The following RIMS2 variants were observed in gnomAD, a reference collection of about 807,000 sequenced individuals.
RIMS2 encodes regulating synaptic membrane exocytosis protein 2.
Under a neutral mutation model 174.4 loss-of-function variants are expected in RIMS2, and 59 were observed. The observed-to-expected ratio is 0.34, with a 90% CI of 0.27 to 0.42. RIMS2 has a LOEUF of 0.42. RIMS2 is among the 10% of genes least tolerant of loss of function. The pLI is 1.00. For synonymous variants in RIMS2, 606 were observed against 572.5 expected, an observed-to-expected ratio of 1.06 and a Z score of -0.84; for missense variants, 1,620 against 1,666.3, an observed-to-expected ratio of 0.97 and a Z score of 0.48.
intron 1 of RIMS2, among the ~76,000 whole-genome samples, chr8:103,555,656 G>C (rs925103596): frequency 6.6e-6 from 1 of 152,014 alleles, no homozygotes. Flanking sequence ...ATCTGGCCAG[G>C]CATGGTGGTT....
At chr8:103,997,994 A>G (rs1363959314) in intron 17 of RIMS2, among the ~76,000 whole-genome samples, 1 of 151,660 alleles carries the variant, frequency 6.6e-6, no homozygotes, top group Non-Finnish European at 1.5e-5. Flanking sequence ...TATTTAGAAT[A>G]TTTTAACCTT....
intron 4 of RIMS2, among the ~76,000 whole-genome samples, chr8:103,887,736 ATAAT>A (rs1014846005): frequency 2.0e-5 from 3 of 151,598 alleles, no homozygotes; most frequent in Non-Finnish European, 4.4e-5. Flanking sequence ...CTGTACCAAA[ATAAT>A]TAGTTAGAAC....
At chr8:103,968,266 G>A (rs1425174302) in intron 15 of RIMS2, among the ~76,000 whole-genome samples, 5 of 151,994 alleles carry the variant, frequency 3.3e-5, no homozygotes, top group Non-Finnish European at 7.4e-5. Context: ...ATACAGTTGA[G>A]CCTCATTTTT....
chr8:103,728,366 A>T (rs1205062608), intron 2 of RIMS2, among the ~76,000 whole-genome samples: 4 of 152,144 alleles, frequency 2.6e-5, no homozygotes, highest in Non-Finnish European at 2.9e-5. Context: ...GAATGAGATC[A>T]TCTGTAAACA....
At chr8:103,865,915 G>A (rs73293837) in intron 3 of RIMS2, among the ~76,000 whole-genome samples, 2 of 152,024 alleles carry the variant, frequency 1.3e-5, no homozygotes, top group African/African-American at 4.8e-5. Flanking sequence ...TAATGCAATT[G>A]GATTTAGTAT....
chr8:104,139,123 A>G (rs748234442), intron 19 of RIMS2, among the ~76,000 whole-genome samples: 1 of 152,050 alleles, frequency 6.6e-6, no homozygotes, highest in East Asian at 1.9e-4. Flanking sequence ...CCATTGGTCT[A>G]TATGTCTGTT....
intron 19 of RIMS2, among the ~76,000 whole-genome samples, chr8:104,045,121 T>G (rs996121660): frequency 6.6e-6 from 1 of 151,856 alleles, no homozygotes; most frequent in African/African-American, 2.4e-5. Flanking sequence ...TTATCTTTCT[T>G]TATAAATTTT....
At chr8:103,775,841 G>A (rs2098310100) in intron 3 of RIMS2, among the ~76,000 whole-genome samples, 3 of 152,038 alleles carry the variant, frequency 2.0e-5, no homozygotes, top group Admixed American at 1.3e-4. Flanking sequence ...TGTTCTCATG[G>A]AATATGTAAC....
intron 2 of RIMS2, among the ~76,000 whole-genome samples, chr8:103,729,234 T>G (rs896627910): frequency 1.3e-5 from 2 of 152,140 alleles, no homozygotes; most frequent in Non-Finnish European, 2.9e-5. Context: ...AACTTTTAAT[T>G]ATGGCTTTGA....
chr8:103,735,687 G>T (rs1359379267), intron 2 of RIMS2, among the ~76,000 whole-genome samples: 1 of 152,090 alleles, frequency 6.6e-6, no homozygotes, highest in African/African-American at 2.4e-5. Context: ...TGGAATATTT[G>T]GCCTGGGATT....
intron 19 of RIMS2, among the ~76,000 whole-genome samples, chr8:104,082,259 A>G (rs1238301628): frequency 6.6e-6 from 1 of 152,068 alleles, no homozygotes; most frequent in African/African-American, 2.4e-5. Context: ...GAGGGAAAGA[A>G]TGGAGGAAGG....
chr8:104,150,297 C>T (rs1031812937), intron 19 of RIMS2, among the ~76,000 whole-genome samples: 4 of 152,134 alleles, frequency 2.6e-5, no homozygotes, highest in African/African-American at 9.7e-5. Context: ...TCCATTCACT[C>T]AGGGTTCTTA....
intron 3 of RIMS2, among the ~76,000 whole-genome samples, chr8:103,795,042 C>T (rs533956166): frequency 6.6e-6 from 1 of 152,166 alleles, no homozygotes; most frequent in African/African-American, 2.4e-5. Flanking sequence ...CCTCAGGGAT[C>T]TAGAACTAGA....
intron 17 of RIMS2, among the ~76,000 whole-genome samples, chr8:103,997,404 A>T (rs910517422): frequency 6.6e-6 from 1 of 151,858 alleles, no homozygotes; most frequent in African/African-American, 2.4e-5. Flanking sequence ...GGAATTTGAG[A>T]GAGTTCAAGG....
chr8:104,096,875 CAA>C (rs34215707), intron 19 of RIMS2, among the ~76,000 whole-genome samples: 29 of 131,018 alleles, frequency 2.2e-4, no homozygotes, highest in Admixed American at 6.3e-4. Context: ...CGCCCCCCAC[CAA>C]AAAAAAAAAA....
At chr8:103,794,145 A>G (rs550851263) in intron 3 of RIMS2, among the ~76,000 whole-genome samples, 2 of 152,344 alleles carry the variant, frequency 1.3e-5, no homozygotes, top group Admixed American at 6.5e-5. Flanking sequence ...AGCCAAAAGA[A>G]CAAAGCTGGC....
At chr8:104,125,289 T>C (rs1276094717) in intron 19 of RIMS2, among the ~76,000 whole-genome samples, 1 of 152,176 alleles carries the variant, frequency 6.6e-6, no homozygotes, top group Admixed American at 6.5e-5. Context: ...AAAGCTTCAC[T>C]TCAAGAGAGA....
intron 19 of RIMS2, among the ~76,000 whole-genome samples, chr8:104,188,503 A>AGAT (rs1235701175): frequency 5.9e-5 from 9 of 151,662 alleles, no homozygotes; most frequent in African/African-American, 2.2e-4. Context: ...ACTACAAATA[A>AGAT]GACTTGTACA....
At chr8:103,722,601 C>T (rs182522053) in intron 2 of RIMS2, among the ~76,000 whole-genome samples, 18 of 152,242 alleles carry the variant, frequency 1.2e-4, no homozygotes, top group African/African-American at 3.6e-4. Flanking sequence ...TAATGCAAGG[C>T]GGGGAGCTGC....
Sources: gnomAD v4.1 joint callset for allele counts (sites outside exome capture counted in the v4.1 genomes callset) on GRCh38, gnomAD v4.1.1 for gene constraint, MANE v1.5 for transcripts, NCBI Gene and HGNC (gene_info 2026-07-23, HGNC 2026-07-21) for gene names.